KHDRBS3: variants seen among roughly 807,000 people sequenced by gnomAD.
KHDRBS3 encodes KH RNA binding domain containing, signal transduction associated 3.
In KHDRBS3, 23 loss-of-function variants were observed where a neutral mutation model predicts 45.6. The observed-to-expected ratio is 0.50, with a 90% confidence interval of 0.36 to 0.72. KHDRBS3 has a LOEUF of 0.72. Ranked by LOEUF, KHDRBS3 falls within the 30% of genes least tolerant of loss-of-function variation. The pLI is 0.00. For synonymous variants in KHDRBS3, 162 were observed against 156.5 expected, an observed-to-expected ratio of 1.04 and a Z score of -0.26; for missense variants, 352 against 424.8, an observed-to-expected ratio of 0.83 and a Z score of 1.51.
intron 4 of KHDRBS3, among the ~76,000 whole-genome samples, chr8:135,553,398 G>A (rs1325381175): frequency 6.6e-6 from 1 of 151,716 alleles, no homozygotes; most frequent in Non-Finnish European, 1.5e-5. Context: ...ACCAGAAGTC[G>A]CATGTCCTAT....
chr8:135,517,246 T>A (rs777464283), intron 1 of KHDRBS3, among the ~76,000 whole-genome samples: 3 of 152,218 alleles, frequency 2.0e-5, no homozygotes, highest in Non-Finnish European at 4.4e-5. Flanking sequence ...TACCTTAAGC[T>A]GTTTGGTACC....
chr8:135,532,534 A>T (rs1825530080), intron 2 of KHDRBS3, among the ~76,000 whole-genome samples: 2 of 152,196 alleles, frequency 1.3e-5, no homozygotes, highest in South Asian at 4.1e-4. Flanking sequence ...ACTTCTATTT[A>T]TGTGTAGACT....
intron 1 of KHDRBS3, among the ~76,000 whole-genome samples, chr8:135,514,015 A>G (rs1181227098): frequency 6.6e-6 from 1 of 152,178 alleles, no homozygotes; most frequent in Non-Finnish European, 1.5e-5. Context: ...ATATCACACA[A>G]AATTCCTTCA....
chr8:135,518,404 G>A (rs897768531), intron 1 of KHDRBS3, among the ~76,000 whole-genome samples: 1 of 152,086 alleles, frequency 6.6e-6, no homozygotes, highest in Non-Finnish European at 1.5e-5. Flanking sequence ...TCAATCTCCT[G>A]ACCTCGTGAT....
At chr8:135,623,219 G>A (rs958695682) in intron 7 of KHDRBS3, among the ~76,000 whole-genome samples, 1 of 152,138 alleles carries the variant, frequency 6.6e-6, no homozygotes, top group Non-Finnish European at 1.5e-5. Flanking sequence ...AAGCGATAAG[G>A]ATCTGTTCTC....
intron 5 of KHDRBS3, among the ~76,000 whole-genome samples, chr8:135,581,299 A>G (rs1828195357): frequency 6.6e-6 from 1 of 152,246 alleles, no homozygotes; most frequent in Admixed American, 6.5e-5. Flanking sequence ...TTACATTAGA[A>G]ATACATGAAT....
Position 135,647,026 on chromosome 8 carries a change from C to T in KHDRBS3, c.983C>T (p.Ala328Val), listed in dbSNP as rs766766266. ...GAGTGGACTAACTCAAGACACAAGG[C>T]ACCTTCAGCGAGGACAGCAAAGGGC... ...QEEWTNSRHK[A>V]PSARTAKGVY... Residue 328 changes from alanine to valine, a missense_variant, in exon 9 of 9, where the codon GCA becomes GTA. Transcript: ENST00000355849. 3.7e-6 allele frequency: 6 copies of T among 1,608,702 alleles called. No homozygotes were observed. The highest frequency in any genetic ancestry group is 5.1e-6 in the Non-Finnish European group (6 of 1,175,126).
chr8:135,519,707 C>T (rs945483879), intron 1 of KHDRBS3, among the ~76,000 whole-genome samples: 12 of 152,310 alleles, frequency 7.9e-5, no homozygotes, highest in Admixed American at 2.6e-4. Context: ...AGATCTGAGA[C>T]GAGAATCTAG....
intron 7 of KHDRBS3, among the ~76,000 whole-genome samples, chr8:135,635,603 C>T (rs1001347707): frequency 6.6e-6 from 1 of 152,144 alleles, no homozygotes; most frequent in African/African-American, 2.4e-5. Flanking sequence ...GGCTGGTCTC[C>T]AGCTCCCAAC....
intron 5 of KHDRBS3, among the ~76,000 whole-genome samples, chr8:135,566,115 A>G (rs1827400360): frequency 6.6e-6 from 1 of 152,216 alleles, no homozygotes. Context: ...TATTTTATAC[A>G]TGATGAAAGT....
chr8:135,551,364 C>T (rs912153294), intron 4 of KHDRBS3, among the ~76,000 whole-genome samples: 1 of 152,010 alleles, frequency 6.6e-6, no homozygotes, highest in African/African-American at 2.4e-5. Context: ...AGTCTTTCAC[C>T]ATTGGCTATA....
intron 4 of KHDRBS3, among the ~76,000 whole-genome samples, chr8:135,556,336 T>C (rs1412645191): frequency 6.6e-6 from 1 of 152,222 alleles, no homozygotes; most frequent in East Asian, 1.9e-4. Flanking sequence ...GTTGAACTAA[T>C]TTAAACTCCC....
chr8:135,514,416 G>A (rs546982006), intron 1 of KHDRBS3, among the ~76,000 whole-genome samples: 5 of 152,316 alleles, frequency 3.3e-5, no homozygotes, highest in Admixed American at 6.5e-5. Flanking sequence ...ATGCTGCCCC[G>A]TGGATGAGCC....
chr8:135,529,606 G>A lies in KHDRBS3; in HGVS notation c.207+8251G>A, dbSNP rs182477417. On this transcript the variant is annotated intron_variant, in intron 2 of 8. Coordinates refer to ENST00000355849, the MANE Select transcript of KHDRBS3 (RefSeq NM_006558.3). ...TGAAATAATCTAGTGATATTGTTTGGGGGCATATTATTATCATTGGTGTTA... is the reference window on the plus strand; with the variant it reads ...TGAAATAATCTAGTGATATTGTTTGAGGGCATATTATTATCATTGGTGTTA... Among the ~76,000 whole-genome samples, 120 of 152,134 alleles carry A rather than the reference G, an allele frequency of 7.9e-4. 1 individual carries two copies. The highest frequency in any genetic ancestry group is 3.4e-3 in the Middle Eastern group (1 of 294).
chr8:135,575,718 CAG>C (rs1191939363), intron 5 of KHDRBS3, among the ~76,000 whole-genome samples: 1 of 152,054 alleles, frequency 6.6e-6, no homozygotes, highest in Non-Finnish European at 1.5e-5. Context: ...GAAAATAGTA[CAG>C]AGAGTTTTCG....
chr8:135,649,840 C>G (rs1831392941), downstream of KHDRBS3, among the ~76,000 whole-genome samples: 1 of 151,980 alleles, frequency 6.6e-6, no homozygotes, highest in African/African-American at 2.4e-5. Flanking sequence ...GTCATTTTTT[C>G]AAAGCTTCCA....
In KHDRBS3 at chr8:135,525,336, A is replaced by C. The variant is rs1825126521; in HGVS notation, c.207+3981A>C. On this transcript the variant is annotated intron_variant, in intron 2 of 8. Transcript: ENST00000355849. ...AGAGATTTCAGAAGATTTTATACATAATATTTGGTTATCTGCAACTCTGAC... is the reference window on the plus strand; with the variant it reads ...AGAGATTTCAGAAGATTTTATACATCATATTTGGTTATCTGCAACTCTGAC... 1.3e-5 allele frequency among the ~76,000 whole-genome samples: 2 copies of C among 152,088 alleles called. 1 individual carries two copies. The highest frequency in any genetic ancestry group is 4.8e-5 in the African/African-American group (2 of 41,402).
intron 4 of KHDRBS3, among the ~76,000 whole-genome samples, chr8:135,551,311 C>T (rs112199202): frequency 2.8e-4 from 42 of 152,108 alleles, no homozygotes; most frequent in African/African-American, 8.9e-4. Context: ...TGACTAGAAC[C>T]GTGAATGCAG....
chr8:135,534,848 T>C (rs1825654023), intron 2 of KHDRBS3, among the ~76,000 whole-genome samples: 1 of 152,170 alleles, frequency 6.6e-6, no homozygotes, highest in Non-Finnish European at 1.5e-5. Context: ...TTTTCTCATC[T>C]TGGAAATCAG....
Sources: gnomAD v4.1 joint callset for allele counts (sites outside exome capture counted in the v4.1 genomes callset) on GRCh38, gnomAD v4.1.1 for gene constraint, MANE v1.5 for transcripts, NCBI Gene and HGNC (gene_info 2026-07-23, HGNC 2026-07-21) for gene names.